The following ENOX2 variants were observed in gnomAD, a reference collection of about 807,000 sequenced individuals.
ENOX2 encodes APK1 antigen.
A neutral mutation model predicts 45.0 loss-of-function variants in ENOX2; 36 were observed. The ratio of observed to expected loss-of-function variants is 0.80; its 90% CI spans 0.61 to 1.06. The LOEUF (loss-of-function observed/expected upper bound fraction) is 1.06, where lower values mean the gene tolerates loss of function less well. ENOX2 is among the 50% of genes least tolerant of loss of function. The probability of loss-of-function intolerance (pLI) is 0.00; values close to 1 mark genes in which losing one functional copy is unlikely to be tolerated. For missense variants in ENOX2, 423 were observed against 462.5 expected (o/e 0.91, Z 0.78); for synonymous variants, 174 against 152.3 (o/e 1.14, Z -1.05).
chrX:130,749,201 G>A lies in ENOX2; in HGVS notation c.-39+34346C>T, dbSNP rs192115906. Among the ~76,000 whole-genome samples the A allele has an allele frequency of 1.5e-3, 169 of 112,041 alleles. 1 individual carries two copies. The Admixed American group carries it at 0.016, about 10-fold the overall frequency. On this transcript the variant is annotated intron_variant, in intron 3 of 14. Coordinates refer to ENST00000394363, the MANE Select transcript of ENOX2 (RefSeq NM_006375.4). ...ATTTAAAGTGAAATGCCTACAGGAA[G>A]AAGAGAGGTTTCCTCTAGATTTTTT...
rs10536173 is a variant in ENOX2, at chrX:130,707,507, T to TACAC, written c.-38-4257_-38-4254dup. 7.7e-3 allele frequency among the ~76,000 whole-genome samples: 749 copies of TACAC among 97,388 alleles called. 4 individuals are homozygous for TACAC. The highest frequency in any genetic ancestry group is 0.025 in the African/African-American group (669 of 26,649). 84.6% of individuals were successfully genotyped at this position (97,388 alleles called of 115,157 possible). ...GTCAAAGTTATTTGATTTTGAAGAC[T>TACAC]ACACACACACACACACACACACACA... On this transcript the variant is annotated intron_variant, in intron 3 of 14. Transcript: ENST00000394363.
intron 2 of ENOX2, among the ~76,000 whole-genome samples, chrX:130,865,945 C>T (rs1433490531): frequency 9.0e-6 from 1 of 111,020 alleles, no homozygotes; most frequent in Non-Finnish European, 1.9e-5. Context: ...ATCCAATGAT[C>T]ACCTTTCTAT....
chrX:130,760,643 A>T (rs2039462638), intron 3 of ENOX2, among the ~76,000 whole-genome samples: 1 of 107,125 alleles, frequency 9.3e-6, no homozygotes, highest in Non-Finnish European at 1.9e-5. Flanking sequence ...AAAATTAGCC[A>T]GGCGTGGTGG....
At chrX:130,812,332 C>T (rs1018872687) in intron 2 of ENOX2, among the ~76,000 whole-genome samples, 11 of 111,723 alleles carry the variant, frequency 9.8e-5, no homozygotes, top group African/African-American at 2.9e-4. Context: ...AGGCAAATCA[C>T]ATATAAGGGA....
intron 2 of ENOX2, among the ~76,000 whole-genome samples, chrX:130,830,510 T>C (rs1330263840): frequency 1.8e-5 from 2 of 111,694 alleles, no homozygotes; most frequent in African/African-American, 6.5e-5. Flanking sequence ...AACCTGTCTA[T>C]GTCTCTATCT....
At chrX:130,741,093 T>C (rs1260426293) in intron 3 of ENOX2, among the ~76,000 whole-genome samples, 19 of 111,900 alleles carry the variant, frequency 1.7e-4, no homozygotes, top group Non-Finnish European at 3.8e-5. Context: ...AGTTTTTTCA[T>C]ATGGAAAAAC....
intron 2 of ENOX2, among the ~76,000 whole-genome samples, chrX:130,854,095 C>T (rs940048901): frequency 3.6e-5 from 4 of 111,797 alleles, no homozygotes; most frequent in Non-Finnish European, 3.8e-5. Context: ...ATGACACAGA[C>T]GTTGAAATTA....
chrX:130,681,673 T>C (rs1047054507), intron 5 of ENOX2, among the ~76,000 whole-genome samples: 1 of 112,154 alleles, frequency 8.9e-6, no homozygotes, highest in Admixed American at 9.4e-5. Context: ...GGGATGCTGT[T>C]CCCACCTTAC....
At chrX:130,634,292 G>A (rs2035868367) in intron 12 of ENOX2, among the ~76,000 whole-genome samples, 1 of 112,030 alleles carries the variant, frequency 8.9e-6, no homozygotes, top group East Asian at 2.8e-4. Context: ...GCTGAGTATT[G>A]ATGCATCAAG....
At position 130,659,142 on chromosome X, in the gene ENOX2, G is replaced by A. The variant is rs143250280; in HGVS notation, c.1015-2447C>T. 3.9e-3 allele frequency among the ~76,000 whole-genome samples: 435 copies of A among 112,155 alleles called. 2 individuals carry two copies. Among genetic ancestry groups the A allele is most frequent in the African/African-American group, 0.014 (421 of 30,878 alleles). The stretch of plus-strand genomic sequence containing the variant: ...CTGTACACAGGAAATATCCGAAGTT[G>A]TCTGTGAAAATTGCCTCCATTTAGG... On this transcript the variant is annotated intron_variant, in intron 9 of 14. Coordinates refer to ENST00000394363, the MANE Select transcript of ENOX2 (RefSeq NM_006375.4).
chrX:130,897,616 G>C (rs2079079025), intron 2 of ENOX2, among the ~76,000 whole-genome samples: 1 of 111,964 alleles, frequency 8.9e-6, no homozygotes, highest in African/African-American at 3.3e-5. Context: ...AATCCATACA[G>C]TCCACATCAA....
intron 2 of ENOX2, among the ~76,000 whole-genome samples, chrX:130,849,897 ACAGGGAAGG>A (rs2078177735): frequency 9.0e-6 from 1 of 111,523 alleles, no homozygotes; most frequent in African/African-American, 3.3e-5. Flanking sequence ...TGCTTGAAGC[ACAGGGAAGG>A]TCATAACAGG....
At chrX:130,761,049 T>A (rs1235911227) in intron 3 of ENOX2, among the ~76,000 whole-genome samples, 1 of 110,655 alleles carries the variant, frequency 9.0e-6, no homozygotes, top group African/African-American at 3.3e-5. Context: ...ATTCTTTCAA[T>A]ATATTCCTGA....
At position 130,750,262 on chromosome X, in the gene ENOX2, T is replaced by C. The variant is rs746399428; in HGVS notation, c.-39+33285A>G. 2.7e-5 allele frequency among the ~76,000 whole-genome samples: 3 copies of C among 111,729 alleles called. No individual in the cohort carries two copies. In the East Asian group the frequency reaches 8.5e-4, roughly 32 times the overall value. The stretch of plus-strand genomic sequence containing the variant: ...GTATCTCTGCCTCTCTGTGCCTCTT[T>C]GTTCATTTCTTTGTCTCAGTATCTC... On this transcript the variant is annotated intron_variant, in intron 3 of 14. Coordinates refer to ENST00000394363, the MANE Select transcript of ENOX2 (RefSeq NM_006375.4).
chrX:130,674,451 A>T (rs1221198889), intron 6 of ENOX2, among the ~76,000 whole-genome samples: 7 of 110,448 alleles, frequency 6.3e-5, no homozygotes. Flanking sequence ...ACCAAAAGAC[A>T]GGGGAAGAGA....
intron 5 of ENOX2, among the ~76,000 whole-genome samples, chrX:130,684,856 C>T (rs1419452680): frequency 9.0e-6 from 1 of 111,319 alleles, no homozygotes. Context: ...CCCAGCTACT[C>T]GAGAGGCTGA....
At chrX:130,886,782 C>T (rs186710894) in intron 2 of ENOX2, among the ~76,000 whole-genome samples, 1 of 112,217 alleles carries the variant, frequency 8.9e-6, no homozygotes, top group Admixed American at 9.4e-5. Context: ...TTTCCCTACT[C>T]TTAGGTATAT....
At chrX:130,739,074 C>T (rs770491923) in intron 3 of ENOX2, among the ~76,000 whole-genome samples, 1 of 112,776 alleles carries the variant, frequency 8.9e-6, no homozygotes, top group East Asian at 2.8e-4. Flanking sequence ...CTTCGAAATA[C>T]AGATGGTCCC....
intron 3 of ENOX2, among the ~76,000 whole-genome samples, chrX:130,705,840 CTA>C (rs1293452425): frequency 9.0e-6 from 1 of 111,615 alleles, no homozygotes; most frequent in African/African-American, 3.3e-5. Context: ...GGGATTCAAT[CTA>C]TGAGGCGGGA....
Sources: allele counts gnomAD v4.1 joint callset (sites outside exome capture counted in the v4.1 genomes callset), GRCh38; gene constraint gnomAD v4.1.1; transcripts MANE v1.5; gene names NCBI Gene and HGNC (gene_info 2026-07-23, HGNC 2026-07-21).